The following RAD51B variants were observed in gnomAD, a reference collection of about 807,000 sequenced individuals.
RAD51B encodes the protein RAD51 paralog B, also known as DNA repair protein RAD51 homolog 2.
A neutral mutation model predicts 42.2 loss-of-function variants in RAD51B; 38 were observed. That is an observed-to-expected ratio of 0.90 (90% CI 0.70 to 1.18). The LOEUF (loss-of-function observed/expected upper bound fraction) is 1.18. RAD51B is among the 50% of genes most tolerant of loss of function. The probability of loss-of-function intolerance (pLI) is 0.00; values close to 1 mark genes in which losing one functional copy is unlikely to be tolerated. For synonymous variants in RAD51B, 154 were observed against 145.2 expected (o/e 1.06, Z -0.43); for missense variants, 373 against 400.7 (o/e 0.93, Z 0.59).
rs117307425 is a variant in RAD51B at position 68,163,028 on chromosome 14, A to G, written c.757-128856A>G. 4.9e-3 allele frequency among the ~76,000 whole-genome samples: 741 copies of G among 152,324 alleles called. 3 individuals are homozygous for G. The highest frequency in any genetic ancestry group is 8.3e-3 in the Non-Finnish European group (565 of 68,018). On this transcript the variant is annotated intron_variant, in intron 7 of 10. Transcript: ENST00000471583. ...TTGTTAAATGACATGAAAATAGTTT[A>G]TACTGTCTGACTCCTTGAGACTTGC...
intron 10 of RAD51B, among the ~76,000 whole-genome samples, chr14:68,586,623 T>C (rs1890494584): frequency 6.6e-6 from 1 of 152,148 alleles, no homozygotes; most frequent in South Asian, 2.1e-4. Flanking sequence ...AGGTAGGGAA[T>C]GTGCACAGAA....
chr14:68,415,399 A>G (rs1411343950), intron 9 of RAD51B, among the ~76,000 whole-genome samples: 1 of 152,214 alleles, frequency 6.6e-6, no homozygotes, highest in African/African-American at 2.4e-5. Flanking sequence ...GCACTCATTC[A>G]TTTGACAAAC....
At chr14:68,305,192 T>C (rs2139704948) in intron 8 of RAD51B, among the ~76,000 whole-genome samples, 1 of 152,322 alleles carries the variant, frequency 6.6e-6, no homozygotes, top group Non-Finnish European at 1.5e-5. Flanking sequence ...GCAGAACTCT[T>C]TACTGTCCCA....
At chr14:68,123,718 G>A (rs2077699455) in intron 7 of RAD51B, among the ~76,000 whole-genome samples, 1 of 152,168 alleles carries the variant, frequency 6.6e-6, no homozygotes, top group Non-Finnish European at 1.5e-5. Flanking sequence ...TGAGGTGGGA[G>A]AATTGCTTCA....
chr14:68,310,409 T>C (rs1595692122), intron 8 of RAD51B, among the ~76,000 whole-genome samples: 2 of 152,336 alleles, frequency 1.3e-5, no homozygotes, highest in Non-Finnish European at 2.9e-5. Context: ...TTGTGTTTTT[T>C]ACAAAACCAT....
At chr14:68,392,217 A>G (rs2083777625) in intron 8 of RAD51B, among the ~76,000 whole-genome samples, 1 of 152,198 alleles carries the variant, frequency 6.6e-6, no homozygotes, top group East Asian at 1.9e-4. Flanking sequence ...TACAGGGTAC[A>G]TTGGGGCATT....
chr14:68,249,510 T>C (rs2080574290), intron 7 of RAD51B, among the ~76,000 whole-genome samples: 1 of 152,254 alleles, frequency 6.6e-6, no homozygotes, highest in Non-Finnish European at 1.5e-5. Context: ...AGTGAGCTTC[T>C]GATGTGAATT....
At chr14:67,910,538 G>A (rs147073983) in intron 7 of RAD51B, among the ~76,000 whole-genome samples, 112 of 148,696 alleles carry the variant, frequency 7.5e-4, no homozygotes, top group African/African-American at 2.6e-3. Context: ...ATTCCACTTT[G>A]CAGTTTGATA....
intron 7 of RAD51B, among the ~76,000 whole-genome samples, chr14:68,230,997 T>TGACA (rs2080138441): frequency 6.6e-6 from 1 of 152,174 alleles, no homozygotes; most frequent in Non-Finnish European, 1.5e-5. Flanking sequence ...TTGTGTAGAC[T>TGACA]GACAGGATTT....
chr14:68,291,752 G>A, intron 7 of RAD51B, 132 bp from the exon 8 acceptor site: 1 of 644,326 alleles, frequency 1.6e-6, no homozygotes, highest in South Asian at 2.0e-5. Context: ...CAGGGCTGGG[G>A]TTTTGCTACC....
chr14:68,119,133 G>A (rs570987578), intron 7 of RAD51B, among the ~76,000 whole-genome samples: 1 of 151,546 alleles, frequency 6.6e-6, no homozygotes, highest in Admixed American at 6.6e-5. Flanking sequence ...TTTTTGTAGA[G>A]ACAGGGTGTC....
chr14:68,675,895 C>A (rs1893292855), intron 11 of RAD51B, among the ~76,000 whole-genome samples: 1 of 152,210 alleles, frequency 6.6e-6, no homozygotes, highest in South Asian at 2.1e-4. Context: ...TCTCTTCCAT[C>A]CCCTGCTTCT....
intron 7 of RAD51B, among the ~76,000 whole-genome samples, chr14:67,977,815 C>G (rs2075023201): frequency 6.6e-6 from 1 of 152,170 alleles, no homozygotes; most frequent in East Asian, 1.9e-4. Flanking sequence ...TGCACAAGCC[C>G]TGGAGAACAA....
downstream of RAD51B, among the ~76,000 whole-genome samples, chr14:68,600,042 G>A (rs1566950699): frequency 1.3e-5 from 2 of 152,276 alleles, no homozygotes; most frequent in Admixed American, 6.5e-5. Context: ...GTGTGATTGT[G>A]GTCATCTATA....
intron 7 of RAD51B, among the ~76,000 whole-genome samples, chr14:68,208,566 C>G (rs1455988797): frequency 1.3e-5 from 2 of 152,158 alleles, no homozygotes; most frequent in African/African-American, 2.4e-5. Context: ...ATTTTAGTTG[C>G]TTTTCTTCAC....
At position 68,148,681 on chromosome 14, in the gene RAD51B, A is replaced by G. The variant is rs139326040; in HGVS notation, c.757-143203A>G. Among the ~76,000 whole-genome samples the G allele has an allele frequency of 4.6e-5, 7 of 152,350 alleles. No individual in the cohort carries two copies. In the East Asian group the frequency reaches 1.3e-3, roughly 29 times the overall value. On this transcript the variant is annotated intron_variant, in intron 7 of 10. Coordinates refer to ENST00000471583, the MANE Select transcript of RAD51B (RefSeq NM_133510.4). ...TACTCTCTCGTGATACTGTGCAGTA[A>G]CAGTAAGCCCCAAGTCCCAGTCAGC...
At chr14:67,878,977 G>T (rs1197808559) in intron 5 of RAD51B, among the ~76,000 whole-genome samples, 2 of 152,210 alleles carry the variant, frequency 1.3e-5, no homozygotes, top group African/African-American at 4.8e-5. Context: ...GCCTCCCAAA[G>T]TCCTGGGATT....
intron 7 of RAD51B, among the ~76,000 whole-genome samples, chr14:68,003,504 C>G (rs1219710592): frequency 2.0e-5 from 3 of 152,130 alleles, no homozygotes; most frequent in African/African-American, 4.8e-5. Context: ...ATTCGAATAT[C>G]CTTTATTTCT....
At position 68,484,637 on chromosome 14, in the gene RAD51B, G is replaced by A. The variant is rs1051115740; in HGVS notation, c.1036+16387G>A. Among the ~76,000 whole-genome samples the A allele has an allele frequency of 2.6e-5, 4 of 152,130 alleles. No homozygotes were observed. The South Asian group carries it at 6.2e-4, about 24-fold the overall frequency. ...CTCCCAAAGTGCTGGGATTACAGGCGTGAGCCACCGTGCCTGGCCCAGTTG... is the reference window on the plus strand; with the variant it reads ...CTCCCAAAGTGCTGGGATTACAGGCATGAGCCACCGTGCCTGGCCCAGTTG... On this transcript the variant is annotated intron_variant, in intron 10 of 10. Coordinates refer to the RAD51B transcript ENST00000487270.
Sources: allele counts gnomAD v4.1 joint callset (sites outside exome capture counted in the v4.1 genomes callset), GRCh38; gene constraint gnomAD v4.1.1; transcripts MANE v1.5; gene names NCBI Gene and HGNC (gene_info 2026-07-23, HGNC 2026-07-21).